The following NLK variants were observed in gnomAD, a reference collection of about 807,000 sequenced individuals.
The protein encoded by NLK is nemo like kinase.
Under a neutral mutation model 59.0 loss-of-function variants are expected in NLK, and 11 were observed. The observed-to-expected ratio is 0.19, with a 90% CI of 0.12 to 0.31. The LOEUF (loss-of-function observed/expected upper bound fraction) is 0.31, where lower values mean the gene tolerates loss of function less well. Among genes scored for constraint, NLK ranks in the 10% least tolerant of loss-of-function variants. NLK has a pLI of 1.00. For synonymous variants in NLK, 235 were observed against 235.9 expected (o/e 1.00, Z 0.03); for missense variants, 410 against 661.1 (o/e 0.62, Z 4.16).
chr17:28,087,142 A>G (rs1910545422), intron 1 of NLK, among the ~76,000 whole-genome samples: 1 of 152,164 alleles, frequency 6.6e-6, no homozygotes, highest in South Asian at 2.1e-4. Context: ...AGATGGACAA[A>G]ATAAATGAGT....
intron 1 of NLK, among the ~76,000 whole-genome samples, chr17:28,052,895 T>G (rs529103503): frequency 1.2e-3 from 187 of 151,394 alleles, no homozygotes; most frequent in African/African-American, 4.3e-3. Flanking sequence ...GGTGTTTTTT[T>G]TTTTTTTTTT....
chr17:28,151,968 G>A (rs1907499028), intron 3 of NLK, among the ~76,000 whole-genome samples: 1 of 152,144 alleles, frequency 6.6e-6, no homozygotes. Flanking sequence ...TTGAAATCAT[G>A]CTTTATATTC....
In NLK at chr17:28,135,741, C is replaced by A. The variant is rs535792251; in HGVS notation, c.644+3066C>A. Among the ~76,000 whole-genome samples the A allele has an allele frequency of 2.6e-4, 40 of 152,350 alleles. 2 individuals carry two copies. The South Asian group carries it at 8.3e-3, about 32-fold the overall frequency. On this transcript the variant is annotated intron_variant, in intron 3 of 10. Coordinates refer to ENST00000407008, the MANE Select transcript of NLK (RefSeq NM_016231.5). ...AATAAATGCCAAAGATATTTAGGTT[C>A]TCTTCATTGAACACTTAGTTAATTC...
chr17:28,143,548 T>G (rs1907105138), intron 3 of NLK, among the ~76,000 whole-genome samples: 1 of 152,228 alleles, frequency 6.6e-6, no homozygotes, highest in South Asian at 2.1e-4. Flanking sequence ...TTTCAAAGCT[T>G]TCTGTCCATA....
At chr17:28,163,407 T>G in intron 4 of NLK, 136 bp from the exon 5 acceptor site, 1 of 584,806 alleles carries the variant, frequency 1.7e-6, no homozygotes, top group South Asian at 2.3e-5. Context: ...TGGGACTAGC[T>G]TTTAATAATG....
At chr17:28,153,138 G>A (rs544078327) in intron 3 of NLK, among the ~76,000 whole-genome samples, 26 of 151,966 alleles carry the variant, frequency 1.7e-4, no homozygotes, top group Non-Finnish European at 3.4e-4. Flanking sequence ...GCCAGGCGTG[G>A]TAGCACATGC....
the NLK span, among the ~76,000 whole-genome samples, chr17:28,204,836 G>T: frequency 1.3e-5 from 2 of 152,222 alleles, no homozygotes; most frequent in African/African-American, 4.8e-5. Context: ...ACTGTTGAAT[G>T]CACTTCCTAA....
chr17:28,132,713 T>C, intron 3 of NLK, 38 bp downstream of exon 3: 1 of 1,536,020 alleles, frequency 6.5e-7, no homozygotes. Context: ...GGGGACAATT[T>C]TTAAAATTAA....
chr17:28,099,572 T>C (rs1323350748), intron 1 of NLK, among the ~76,000 whole-genome samples: 1 of 144,264 alleles, frequency 6.9e-6, no homozygotes, highest in Non-Finnish European at 1.5e-5. Flanking sequence ...GTTTGACTTT[T>C]TTTTTTTTTT....
intron 8 of NLK, chr17:28,190,804 C>T (rs528342540): frequency 4.5e-6 from 2 of 447,792 alleles, no homozygotes; most frequent in Admixed American, 3.9e-5. Context: ...CTTCTAAGTA[C>T]TTTGTGATGG....
chr17:28,158,125 A>G (rs1907858001), intron 3 of NLK, among the ~76,000 whole-genome samples: 1 of 152,230 alleles, frequency 6.6e-6, no homozygotes, highest in African/African-American at 2.4e-5. Flanking sequence ...AGGTTGTTAC[A>G]CAAACCTAGA....
chr17:28,174,429 C>T (rs1908593588), intron 7 of NLK, among the ~76,000 whole-genome samples: 1 of 152,038 alleles, frequency 6.6e-6, no homozygotes, highest in African/African-American at 2.4e-5. Context: ...CAGCCCTTTC[C>T]AGTCTTGGTG....
chr17:28,080,227 A>C (rs1443729819), intron 1 of NLK, among the ~76,000 whole-genome samples: 2 of 152,120 alleles, frequency 1.3e-5, no homozygotes, highest in Non-Finnish European at 2.9e-5. Flanking sequence ...CAAGGCAGGA[A>C]GATTGCTTGA....
At chr17:28,129,607 C>G (rs528561314) in intron 2 of NLK, among the ~76,000 whole-genome samples, 6 of 152,108 alleles carry the variant, frequency 3.9e-5, no homozygotes, top group Non-Finnish European at 7.4e-5. Flanking sequence ...GATATAGTCT[C>G]TACCGTAAAG....
At chr17:28,143,885 C>T (rs1907120818) in intron 3 of NLK, among the ~76,000 whole-genome samples, 1 of 152,182 alleles carries the variant, frequency 6.6e-6, no homozygotes, top group Non-Finnish European at 1.5e-5. Flanking sequence ...TTATTAAAAG[C>T]GTTTATTCAG....
At chr17:28,069,876 A>G (rs989050415) in intron 1 of NLK, among the ~76,000 whole-genome samples, 7 of 152,062 alleles carry the variant, frequency 4.6e-5, no homozygotes, top group African/African-American at 1.4e-4. Context: ...AGAAAATTCT[A>G]TTTTGAGAAG....
intron 1 of NLK, among the ~76,000 whole-genome samples, chr17:28,109,060 A>G (rs1449847199): frequency 6.6e-6 from 1 of 152,064 alleles, no homozygotes; most frequent in African/African-American, 2.4e-5. Flanking sequence ...AGTCCCAGCT[A>G]CTTGGGAGGC....
intron 1 of NLK, among the ~76,000 whole-genome samples, chr17:28,082,953 A>G (rs1567709075): frequency 6.6e-6 from 1 of 152,200 alleles, no homozygotes; most frequent in East Asian, 1.9e-4. Flanking sequence ...GCCCTTCCTA[A>G]AAAGTATTTT....
intron 5 of NLK, among the ~76,000 whole-genome samples, chr17:28,165,557 T>C (rs1908188148): frequency 6.6e-6 from 1 of 152,208 alleles, no homozygotes; most frequent in Admixed American, 6.5e-5. Context: ...TACAAATTCA[T>C]TGAAGATCAT....
Sources: allele counts gnomAD v4.1 joint callset (sites outside exome capture counted in the v4.1 genomes callset), GRCh38; gene constraint gnomAD v4.1.1; transcripts MANE v1.5; gene names NCBI Gene and HGNC (gene_info 2026-07-23, HGNC 2026-07-21).